The following STAU2 variants were observed in gnomAD, a reference collection of about 807,000 sequenced individuals.
STAU2 encodes the protein double-stranded RNA-binding protein Staufen homolog 2.
In STAU2, 20 loss-of-function variants were observed where a neutral mutation model predicts 65.9. That is an observed-to-expected ratio of 0.30 (90% confidence interval 0.21 to 0.44). The LOEUF (loss-of-function observed/expected upper bound fraction) is 0.44. Ranked by LOEUF, STAU2 falls within the 20% of genes least tolerant of loss-of-function variation. The probability of loss-of-function intolerance (pLI) is 1.00; values close to 1 mark genes in which losing one functional copy is unlikely to be tolerated. For missense variants in STAU2, 558 were observed against 683.9 expected, an observed-to-expected ratio of 0.82 and a Z score of 2.05; for synonymous variants, 232 against 233.9, an observed-to-expected ratio of 0.99 and a Z score of 0.07.
intron 13 of STAU2, among the ~76,000 whole-genome samples, chr8:73,434,159 GA>G (rs1817529464): frequency 6.6e-6 from 1 of 151,494 alleles, no homozygotes; most frequent in African/African-American, 2.4e-5. Flanking sequence ...AAGGGTCCAA[GA>G]AAGGCAATGT....
At chr8:73,486,269 C>T (rs1464072643) in intron 13 of STAU2, among the ~76,000 whole-genome samples, 3 of 152,104 alleles carry the variant, frequency 2.0e-5, no homozygotes, top group South Asian at 4.2e-4. Flanking sequence ...GAACAAGTAA[C>T]TAAATTGATT....
At chr8:73,687,392 AT>A (rs1818990740) in intron 5 of STAU2, among the ~76,000 whole-genome samples, 1 of 117,834 alleles carries the variant, frequency 8.5e-6, no homozygotes, top group South Asian at 2.4e-4. Context: ...ATTTATAAAA[AT>A]AATATATTTA....
chr8:73,647,342 G>C (rs931428598), intron 6 of STAU2, among the ~76,000 whole-genome samples: 5 of 152,140 alleles, frequency 3.3e-5, no homozygotes, highest in African/African-American at 1.2e-4. Context: ...TCCCTCAATA[G>C]GTGAAGGGTT....
intron 13 of STAU2, among the ~76,000 whole-genome samples, chr8:73,537,896 TAAAG>T (rs1325657231): frequency 1.3e-5 from 2 of 152,208 alleles, no homozygotes; most frequent in Non-Finnish European, 2.9e-5. Flanking sequence ...AAACATGTTA[TAAAG>T]AGTCACATGA....
chr8:73,529,054 C>G (rs969426578), intron 13 of STAU2, among the ~76,000 whole-genome samples: 1 of 152,030 alleles, frequency 6.6e-6, no homozygotes, highest in Non-Finnish European at 1.5e-5. Flanking sequence ...GAGCTCAAAT[C>G]AAGTCAACAT....
At chr8:73,680,752 T>C (rs962595186) in intron 5 of STAU2, among the ~76,000 whole-genome samples, 9 of 151,252 alleles carry the variant, frequency 6.0e-5, no homozygotes, top group Admixed American at 4.0e-4. Flanking sequence ...TCCAGAGAAA[T>C]AGAATCATAA....
intron 13 of STAU2, among the ~76,000 whole-genome samples, chr8:73,469,473 T>A (rs1291738738): frequency 1.4e-5 from 2 of 142,722 alleles, no homozygotes; most frequent in African/African-American, 5.2e-5. Context: ...TATATATATT[T>A]AAAAAAAAAA....
intron 4 of STAU2, among the ~76,000 whole-genome samples, chr8:73,691,280 T>C (rs7816524): frequency 0.99 from 150,898 of 152,320 alleles, 74,742 homozygotes; most frequent in Middle Eastern, 1. Context: ...TATCTCCCAA[T>C]AGTTCAGGTT....
chr8:73,703,257 C>T (rs1232252981), intron 4 of STAU2, among the ~76,000 whole-genome samples: 3 of 152,044 alleles, frequency 2.0e-5, no homozygotes, highest in Admixed American at 2.0e-4. Flanking sequence ...GAGATCTGGT[C>T]ATATAAAAGT....
At chr8:73,624,802 G>A (rs1209406617) in intron 6 of STAU2, among the ~76,000 whole-genome samples, 1 of 152,220 alleles carries the variant, frequency 6.6e-6, no homozygotes. Flanking sequence ...CTCTCTAGAT[G>A]TATGAGATCT....
In STAU2 at chr8:73,548,394, C is replaced by T. The variant is rs117186306; in HGVS notation, c.1530+3618G>A. 1.2e-3 allele frequency among the ~76,000 whole-genome samples: 177 copies of T among 152,144 alleles called. 2 individuals carry two copies. In the East Asian group the frequency reaches 0.032, roughly 28 times the overall value. Reference sequence around the variant, plus strand: ...TCAGGGAGACCAGCCACCACCCCCCCACTTCCACCAGCCCCATCCCAATAT... The same window carrying T: ...TCAGGGAGACCAGCCACCACCCCCCTACTTCCACCAGCCCCATCCCAATAT... On this transcript the variant is annotated intron_variant, in intron 13 of 14. Coordinates refer to ENST00000524300, the MANE Select transcript of STAU2 (RefSeq NM_001164380.2).
chr8:73,588,667 A>G (rs766392450), intron 11 of STAU2, among the ~76,000 whole-genome samples: 79 of 152,352 alleles, frequency 5.2e-4, no homozygotes, highest in Admixed American at 7.8e-4. Flanking sequence ...GTAAAGCTTC[A>G]TTGCTTCTGA....
chr8:73,622,561 A>AG (rs1813344474), intron 6 of STAU2, among the ~76,000 whole-genome samples: 1 of 152,192 alleles, frequency 6.6e-6, no homozygotes, highest in Non-Finnish European at 1.5e-5. Context: ...GCCTAACTGC[A>AG]GAGTCCAGGA....
intron 5 of STAU2, among the ~76,000 whole-genome samples, chr8:73,681,638 T>G (rs1563502686): frequency 6.6e-6 from 1 of 152,082 alleles, no homozygotes; most frequent in African/African-American, 2.4e-5. Flanking sequence ...ATACTAATGT[T>G]GAATGTAAAT....
At position 73,504,661 on chromosome 8, in the gene STAU2, T is replaced by C. The variant is rs552740165; in HGVS notation, c.1530+47351A>G. Among the ~76,000 whole-genome samples, 3 of 152,116 alleles carry C rather than the reference T, an allele frequency of 2.0e-5. No individual in the cohort carries two copies. The East Asian group carries it at 5.8e-4, about 29-fold the overall frequency. On this transcript the variant is annotated intron_variant, in intron 13 of 14. Coordinates refer to ENST00000524300, the MANE Select transcript of STAU2 (RefSeq NM_001164380.2). ...GAGGCAGTTTCAGAGTCAGGTTTTA[T>C]GTTTTGTATAAATAAGGTTGTCTCC...
Position 73,552,408 on chromosome 8 carries a change from T to C in STAU2, c.1223-89A>G, listed in dbSNP as rs1307000784. 4 of 1,196,128 alleles carry C rather than the reference T, an allele frequency of 3.3e-6. No homozygotes were observed. In the African/African-American group the frequency reaches 4.6e-5, roughly 14 times the overall value. 74.1% of individuals were successfully genotyped at this position (1,196,128 alleles called of 1,614,324 possible). A position where few individuals can be genotyped will look rare whatever the true frequency, so the allele number is the denominator to read the frequency against. On this transcript the variant is annotated intron_variant, in intron 12 of 14. Coordinates refer to ENST00000524300, the MANE Select transcript of STAU2 (RefSeq NM_001164380.2). Reference sequence around the variant, plus strand: ...ATTAACTCAATGGCTTTACTTGGTGTAGTAACAAAGAAATGAGAAACACTG... The same window carrying C: ...ATTAACTCAATGGCTTTACTTGGTGCAGTAACAAAGAAATGAGAAACACTG...
At chr8:73,633,538 T>G (rs997613136) in intron 6 of STAU2, among the ~76,000 whole-genome samples, 1 of 152,180 alleles carries the variant, frequency 6.6e-6, no homozygotes, top group African/African-American at 2.4e-5. Context: ...TTTGTGACTA[T>G]AGACTCCAAG....
At chr8:73,520,477 A>G (rs1822982054) in intron 13 of STAU2, among the ~76,000 whole-genome samples, 1 of 152,186 alleles carries the variant, frequency 6.6e-6, no homozygotes, top group African/African-American at 2.4e-5. Context: ...TGCATATGTG[A>G]CACTTGATCC....
At chr8:73,639,573 T>A (rs1814803906) in intron 6 of STAU2, among the ~76,000 whole-genome samples, 1 of 152,092 alleles carries the variant, frequency 6.6e-6, no homozygotes, top group Non-Finnish European at 1.5e-5. Context: ...CCTTCTCAGA[T>A]CACTCAGGTT....
Sources: allele counts gnomAD v4.1 joint callset (sites outside exome capture counted in the v4.1 genomes callset), GRCh38; gene constraint gnomAD v4.1.1; transcripts MANE v1.5; gene names NCBI Gene and HGNC (gene_info 2026-07-23, HGNC 2026-07-21).